LAMA3: variants seen among roughly 807,000 people sequenced by gnomAD.
LAMA3 encodes laminin subunit alpha 3.
In LAMA3, 281 loss-of-function variants were observed where a neutral mutation model predicts 402.0. The observed-to-expected ratio is 0.70, with a 90% CI of 0.63 to 0.77. The LOEUF is 0.77. Ranked by LOEUF, LAMA3 falls within the 30% of genes least tolerant of loss-of-function variation. The probability of loss-of-function intolerance (pLI) is 0.00; values close to 1 mark genes in which losing one functional copy is unlikely to be tolerated. For missense variants in LAMA3, 3,840 were observed against 4,215.5 expected (o/e 0.91, Z 2.47); for synonymous variants, 1,431 against 1,558.4 (o/e 0.92, Z 1.93).
intron 11 of LAMA3, among the ~76,000 whole-genome samples, chr18:23,782,170 G>A (rs193125041): frequency 1.4e-3 from 209 of 152,308 alleles, no homozygotes; most frequent in African/African-American, 4.8e-3. Flanking sequence ...TTCCTTGGTA[G>A]GTAGGGTGGA....
At chr18:23,931,707 A>C (rs934051048) in intron 65 of LAMA3, 1 of 225,038 alleles carries the variant, frequency 4.4e-6, no homozygotes, top group Non-Finnish European at 8.8e-6. Flanking sequence ...CCTTTATACA[A>C]AGTTCAAAAA....
At chr18:23,864,554 TCTTG>T (rs2064305463) in intron 35 of LAMA3, among the ~76,000 whole-genome samples, 1 of 152,200 alleles carries the variant, frequency 6.6e-6, no homozygotes, top group Non-Finnish European at 1.5e-5. Context: ...AAAGGTATCT[TCTTG>T]CTTGTAAAAC....
In LAMA3 at chr18:23,858,724, A is replaced by T. The variant is rs1201219943; in HGVS notation, c.4317A>T (p.Arg1439=). 1.2e-6 allele frequency: 2 copies of T among 1,614,058 alleles called. No homozygotes were observed. The highest frequency in any genetic ancestry group is 2.7e-5 in the African/African-American group (2 of 74,934). Reference sequence around the variant, plus strand: ...AAGGCACAGAGTGTAATGTGTGTCGAGAAGGCTCATTCCATTTGGACCCAG... The same window carrying T: ...AAGGCACAGAGTGTAATGTGTGTCGTGAAGGCTCATTCCATTTGGACCCAG... ...NVEGTECNVC[R]EGSFHLDPAN... Residue 1439 remains arginine, a synonymous_variant, in exon 34 of 75, where the codon CGA becomes CGT. Transcript: ENST00000313654.
chr18:23,796,941 C>T (rs1039052235), intron 12 of LAMA3, among the ~76,000 whole-genome samples: 6 of 152,176 alleles, frequency 3.9e-5, no homozygotes, highest in South Asian at 2.1e-4. Context: ...ACTATCAAGC[C>T]TCTCAGAGAG....
At chr18:23,951,330 C>A (rs1359800656) in intron 72 of LAMA3, among the ~76,000 whole-genome samples, 1 of 152,238 alleles carries the variant, frequency 6.6e-6, no homozygotes, top group Non-Finnish European at 1.5e-5. Context: ...TCTCACATAT[C>A]CTTCCATACA....
intron 48 of LAMA3, among the ~76,000 whole-genome samples, chr18:23,902,567 T>G (rs1403085256): frequency 1.3e-5 from 2 of 152,178 alleles, no homozygotes; most frequent in East Asian, 3.9e-4. Flanking sequence ...GACCCAACTT[T>G]ATAGGCCTCT....
chr18:23,741,444 G>A (rs1201060749), intron 2 of LAMA3, among the ~76,000 whole-genome samples: 1 of 152,102 alleles, frequency 6.6e-6, no homozygotes, highest in African/African-American at 2.4e-5. Flanking sequence ...GTCAAACCAG[G>A]TTAATAAACT....
chr18:23,828,367 G>A (rs1004288662), intron 23 of LAMA3, among the ~76,000 whole-genome samples: 1 of 151,956 alleles, frequency 6.6e-6, no homozygotes, highest in East Asian at 1.9e-4. Context: ...TTCATGCTAC[G>A]AAATAATATT....
chr18:23,872,302 C>T (rs948796684), intron 38 of LAMA3, among the ~76,000 whole-genome samples: 4 of 152,086 alleles, frequency 2.6e-5, no homozygotes, highest in African/African-American at 4.8e-5. Context: ...GCAGGACTCT[C>T]GTTGTTTGAG....
At chr18:23,692,416 C>T (rs1414591005) in intron 1 of LAMA3, among the ~76,000 whole-genome samples, 6 of 152,140 alleles carry the variant, frequency 3.9e-5, no homozygotes, top group South Asian at 2.1e-4. Flanking sequence ...GGATTACAGG[C>T]GCCTGCCACC....
At chr18:23,907,471 C>T in intron 52 of LAMA3, 79 bp from the exon 53 acceptor site, 1 of 1,005,712 alleles carries the variant, frequency 9.9e-7, no homozygotes, top group Non-Finnish European at 1.6e-6. Context: ...CAGACACTGG[C>T]TACTTCAGGG....
chr18:23,854,358 G>A (rs1268143909), intron 32 of LAMA3, among the ~76,000 whole-genome samples: 2 of 152,188 alleles, frequency 1.3e-5, no homozygotes, highest in Admixed American at 6.5e-5. Flanking sequence ...AATACAAAAC[G>A]TGGCCAGGTG....
At position 23,775,853 on chromosome 18, in the gene LAMA3, C is replaced by T; in HGVS notation, c.1335C>T (p.Cys445=). The change falls in exon 10 of 75, where the codon TGC becomes TGT. Residue 445 remains cysteine (C), a synonymous_variant. Coordinates refer to ENST00000313654, the MANE Select transcript of LAMA3 (RefSeq NM_198129.4). ...GCEQGSGRCH[C]KPNFHGDNCE... Reference sequence around the variant, plus strand: ...AACAGGGTTCAGGCCGCTGTCACTGCAAGCCAAATTTCCACGGAGACAACT... The same window carrying T: ...AACAGGGTTCAGGCCGCTGTCACTGTAAGCCAAATTTCCACGGAGACAACT... The T allele has an allele frequency of 1.2e-6, 2 of 1,614,030 alleles. No homozygotes were observed. Among genetic ancestry groups the T allele is most frequent in the Non-Finnish European group, 1.7e-6 (2 of 1,179,904 alleles).
intron 8 of LAMA3, among the ~76,000 whole-genome samples, chr18:23,765,022 A>G (rs920845383): frequency 1.3e-5 from 2 of 152,338 alleles, no homozygotes; most frequent in Non-Finnish European, 2.9e-5. Context: ...CCATGATCTG[A>G]AAGCACTGAA....
At chr18:23,916,773 A>G (rs1257368444) in intron 60 of LAMA3, 78 bp downstream of exon 60, 1 of 1,376,660 alleles carries the variant, frequency 7.3e-7, no homozygotes, top group Non-Finnish European at 1.0e-6. Flanking sequence ...GGGTTGTTAT[A>G]AATGACCCAC....
chr18:23,877,983 G>C (rs1367589560), intron 39 of LAMA3, among the ~76,000 whole-genome samples: 1 of 151,934 alleles, frequency 6.6e-6, no homozygotes, highest in East Asian at 1.9e-4. Flanking sequence ...CGTGGTGGTG[G>C]GCGCCTGCAA....
intron 35 of LAMA3, 46 bp from the exon 36 acceptor site, chr18:23,864,739 A>G (rs370364104): frequency 1.1e-5 from 14 of 1,225,488 alleles, no homozygotes; most frequent in Admixed American, 8.4e-5. Context: ...TGTTGACATC[A>G]TCTCTTTTAA....
chr18:23,780,343 G>A (rs147397602), intron 11 of LAMA3, among the ~76,000 whole-genome samples: 259 of 151,048 alleles, frequency 1.7e-3, no homozygotes, highest in African/African-American at 5.8e-3. Flanking sequence ...GAAGGAAGAA[G>A]GAAGGGAGGG....
chr18:23,903,537 G>A (rs1201919661), intron 49 of LAMA3, among the ~76,000 whole-genome samples: 1 of 151,916 alleles, frequency 6.6e-6, no homozygotes, highest in African/African-American at 2.4e-5. Flanking sequence ...TAAGTTTTAG[G>A]GTACATGTGC....
Sources: allele counts gnomAD v4.1 joint callset (sites outside exome capture counted in the v4.1 genomes callset), GRCh38; gene constraint gnomAD v4.1.1; transcripts MANE v1.5; gene names NCBI Gene and HGNC (gene_info 2026-07-23, HGNC 2026-07-21).